The following KCNV2 variants were observed in gnomAD, a reference collection of about 807,000 sequenced individuals.
The protein encoded by KCNV2 is potassium voltage-gated channel subfamily V member 2.
Under a neutral mutation model 37.0 loss-of-function variants are expected in KCNV2, and 65 were observed. That is an observed-to-expected ratio of 1.76 (90% CI 1.44 to 2.16). The LOEUF is 2.16. Ranked by LOEUF, KCNV2 falls within the 30% of genes most tolerant of loss-of-function variation. KCNV2 has a pLI of 0.00. For missense variants in KCNV2, 1,232 were observed against 766.7 expected (o/e 1.61, Z -7.17); for synonymous variants, 518 against 328.6 (o/e 1.58, Z -6.23).
chr9:2,727,094 C>T (rs1308649923), intron 1 of KCNV2, among the ~76,000 whole-genome samples: 1 of 152,134 alleles, frequency 6.6e-6, no homozygotes, highest in Non-Finnish European at 1.5e-5. Flanking sequence ...TTTAGGCCTC[C>T]TCCAGGGAAG....
At chr9:2,722,924 A>G (rs1182501093) in intron 1 of KCNV2, among the ~76,000 whole-genome samples, 1 of 152,106 alleles carries the variant, frequency 6.6e-6, no homozygotes, top group African/African-American at 2.4e-5. Context: ...TGCAAGCCCC[A>G]TCATGCAAAC....
chr9:2,719,098 G>T lies in KCNV2; in HGVS notation c.1356+3G>T. ...CCCACTCCTGGTGGTGGGCCGCGGTGAGTACCTTTGCCCTGGGCTTTCCCA... is the reference window on the plus strand; with the variant it reads ...CCCACTCCTGGTGGTGGGCCGCGGTTAGTACCTTTGCCCTGGGCTTTCCCA... On this transcript the variant is annotated splice_donor_region_variant and intron_variant, in intron 1 of 1. Transcript: ENST00000382082. 6.2e-7 allele frequency: 1 copy of T among 1,607,768 alleles called. No individual in the cohort carries two copies. The highest frequency in any genetic ancestry group is 8.5e-7 in the Non-Finnish European group (1 of 1,179,980).
At chr9:2,724,575 C>A (rs1422945371) in intron 1 of KCNV2, among the ~76,000 whole-genome samples, 3 of 152,166 alleles carry the variant, frequency 2.0e-5, no homozygotes, top group Admixed American at 2.0e-4. Context: ...GGTGTTGCCA[C>A]CAGAAGCTAA....
intron 1 of KCNV2, among the ~76,000 whole-genome samples, chr9:2,719,741 G>A (rs77936323): frequency 0.073 from 11,046 of 152,300 alleles, 465 homozygotes; most frequent in Admixed American, 0.098. Context: ...TGGACTCACA[G>A]CTAGAGGTGG....
chr9:2,721,378 T>A (rs1444316849), intron 1 of KCNV2, among the ~76,000 whole-genome samples: 1 of 152,228 alleles, frequency 6.6e-6, no homozygotes, highest in South Asian at 2.1e-4. Context: ...AGGACTGCTA[T>A]GTTATTAATC....
Position 2,717,704 on chromosome 9 carries a change from C to G in KCNV2, c.-36C>G. The G allele has an allele frequency of 5.0e-6, 8 of 1,613,934 alleles. No homozygotes were observed. Among genetic ancestry groups the G allele is most frequent in the Non-Finnish European group, 5.1e-6 (6 of 1,179,962 alleles). On this transcript the variant is annotated 5_prime_UTR_variant, in exon 1 of 2. Coordinates refer to ENST00000382082, the MANE Select transcript of KCNV2 (RefSeq NM_133497.4). ...GCAGGTGAGGGACCCCTACCACAGC[C>G]AGGAGGAAAAAGCTAGGCGTCCACT...
intron 1 of KCNV2, among the ~76,000 whole-genome samples, chr9:2,724,986 T>C (rs73639029): frequency 0.062 from 9,389 of 152,312 alleles, 372 homozygotes; most frequent in Admixed American, 0.096. Flanking sequence ...TAGGCATTGT[T>C]ACTACTTTTT....
Position 2,718,952 on chromosome 9 carries a change from C to G in KCNV2, c.1213C>G (p.Arg405Gly). 2 of 1,610,250 alleles carry G rather than the reference C, an allele frequency of 1.2e-6. No individual in the cohort carries two copies. Among genetic ancestry groups the G allele is most frequent in the Non-Finnish European group, 1.7e-6 (2 of 1,180,016 alleles). Reference sequence around the variant, plus strand: ...ACTGCGTGCCTTCGGCTTCACGCTGCGCCAGTGCTACCAGCAGGTGGGCTG... The same window carrying G: ...ACTGCGTGCCTTCGGCTTCACGCTGGGCCAGTGCTACCAGCAGGTGGGCTG... ...TGLRAFGFTL[R>G]QCYQQVGCLL... The change falls in exon 1 of 2, where the codon CGC becomes GGC. Residue 405 changes from arginine (R) to glycine (G), a missense_variant. Transcript: ENST00000382082.
chr9:2,718,712 C>A lies in KCNV2; in HGVS notation c.973C>A (p.Pro325Thr), dbSNP rs757270560. Residue 325 changes from proline to threonine, a missense_variant, in exon 1 of 2, where the codon CCC becomes ACC. Coordinates refer to ENST00000382082, the MANE Select transcript of KCNV2 (RefSeq NM_133497.4). ...LEYLLRLASTPDLRRFARSAL... is the reference protein window; with the variant it reads ...LEYLLRLASTTDLRRFARSAL... ...GTACCTGCTGCGCCTAGCCTCCACGCCCGACCTGAGGCGCTTCGCGCGCAG... is the reference window on the plus strand; with the variant it reads ...GTACCTGCTGCGCCTAGCCTCCACGACCGACCTGAGGCGCTTCGCGCGCAG... The A allele has an allele frequency of 3.1e-6, 5 of 1,612,986 alleles. No homozygotes were observed. The highest frequency in any genetic ancestry group is 3.4e-6 in the Non-Finnish European group (4 of 1,179,860).
In KCNV2 at chr9:2,717,763, A is replaced by C; in HGVS notation, c.24A>C (p.Arg8Ser). 1 of 1,614,152 alleles carries C rather than the reference A, an allele frequency of 6.2e-7. No homozygotes were observed. The highest frequency in any genetic ancestry group is 8.5e-7 in the Non-Finnish European group (1 of 1,180,004). MLKQSER[R>S]RSWSYRPWNT... is the part of the protein sequence containing the mutation. Reference sequence around the variant, plus strand: ...CCATGCTCAAACAGAGTGAGAGGAGACGGTCCTGGAGCTACAGGCCCTGGA... The same window carrying C: ...CCATGCTCAAACAGAGTGAGAGGAGCCGGTCCTGGAGCTACAGGCCCTGGA... The change falls in exon 1 of 2, where the codon AGA (arginine) becomes AGC (serine). Residue 8 changes from arginine to serine, a missense_variant. By Grantham distance (110) the Arg-to-Ser change is moderately radical. Transcript: ENST00000382082.
In KCNV2 at chr9:2,728,892, A is replaced by G. The variant is rs951506473; in HGVS notation, c.1357-554A>G. Among the ~76,000 whole-genome samples, 312 of 150,858 alleles carry G rather than the reference A, an allele frequency of 2.1e-3. 2 individuals are homozygous for G. The highest frequency in any genetic ancestry group is 7.0e-3 in the African/African-American group (285 of 40,640). On this transcript the variant is annotated intron_variant, in intron 1 of 1. Coordinates refer to ENST00000382082, the MANE Select transcript of KCNV2 (RefSeq NM_133497.4). The stretch of plus-strand genomic sequence containing the variant: ...TCTCCTGTTTTAAATAAAAAAAAAA[A>G]AAAAGAAAAAAAGAAAAAGAGAGAG...
intron 1 of KCNV2, among the ~76,000 whole-genome samples, chr9:2,727,728 TAATATTATTGCTTAC>T (rs1228887756): frequency 6.6e-6 from 1 of 152,148 alleles, no homozygotes; most frequent in Non-Finnish European, 1.5e-5. Flanking sequence ...ATATATATAA[TAATATTATTGCTTAC>T]ACACCCTGTG....
At chr9:2,719,188 T>G (rs1819815295) in intron 1 of KCNV2, 93 bp downstream of exon 1, 6 of 1,437,152 alleles carry the variant, frequency 4.2e-6, no homozygotes, top group Non-Finnish European at 4.8e-6. Context: ...GGCTTTGGCT[T>G]CTGATCCTCG....
chr9:2,723,468 C>G (rs1034896189), intron 1 of KCNV2, among the ~76,000 whole-genome samples: 1 of 152,180 alleles, frequency 6.6e-6, no homozygotes, highest in African/African-American at 2.4e-5. Flanking sequence ...AGCTGCAAAA[C>G]AAATCCCTCC....
At chr9:2,719,205 C>CT (rs1459115398) in intron 1 of KCNV2, 110 bp downstream of exon 1, 1 of 1,224,110 alleles carries the variant, frequency 8.2e-7, no homozygotes, top group Non-Finnish European at 1.2e-6. Context: ...CTCGTCTTCC[C>CT]CCCCACCCCC....
At position 2,729,883 on chromosome 9, in the gene KCNV2, G is replaced by C; in HGVS notation, c.*156G>C. 4.0e-6 allele frequency: 3 copies of C among 748,406 alleles called. No homozygotes were observed. Among genetic ancestry groups the C allele is most frequent in the Non-Finnish European group, 6.7e-6 (3 of 449,864 alleles). 46.4% of individuals were successfully genotyped at this position (748,406 alleles called of 1,614,324 possible). A position where few individuals can be genotyped will look rare whatever the true frequency, so the allele number is the denominator to read the frequency against. ...TACTGCCTCTAGAAATACTCATTTT[G>C]GCCCAAACTCAGAATGTCTCATAGT... On this transcript the variant is annotated 3_prime_UTR_variant, in exon 2 of 2. Transcript: ENST00000382082.
At chr9:2,724,242 A>G (rs768693597) in intron 1 of KCNV2, among the ~76,000 whole-genome samples, 3 of 152,104 alleles carry the variant, frequency 2.0e-5, no homozygotes, top group Admixed American at 1.3e-4. Flanking sequence ...CCTTGCTCCC[A>G]TCTTTCTTTC....
intron 1 of KCNV2, among the ~76,000 whole-genome samples, chr9:2,722,831 G>A (rs183786191): frequency 6.6e-6 from 1 of 152,298 alleles, no homozygotes; most frequent in East Asian, 1.9e-4. Flanking sequence ...CATGAAGGGA[G>A]AGACTAGGCC....
chr9:2,729,737 G>T lies in KCNV2; in HGVS notation c.*10G>T. 1 of 1,613,642 alleles carries T rather than the reference G, an allele frequency of 6.2e-7. No homozygotes were observed. Among genetic ancestry groups the T allele is most frequent in the Non-Finnish European group, 8.5e-7 (1 of 1,179,636 alleles). On this transcript the variant is annotated 3_prime_UTR_variant, in exon 2 of 2. Transcript: ENST00000382082. ...AAGACAAGAGAATTAGTATTTTATA[G>T]GACATGTGGCTGGTAGATTCCATGA...
Sources: allele counts gnomAD v4.1 joint callset (sites outside exome capture counted in the v4.1 genomes callset), GRCh38; gene constraint gnomAD v4.1.1; transcripts MANE v1.5; gene names NCBI Gene and HGNC (gene_info 2026-07-23, HGNC 2026-07-21).